The following COL27A1 variants were observed in gnomAD, a reference collection of about 807,000 sequenced individuals.
The protein encoded by COL27A1 is collagen alpha-1(XXVII) chain.
In COL27A1, 106 loss-of-function variants were observed where a neutral mutation model predicts 251.3. The observed-to-expected ratio is 0.42, with a 90% confidence interval of 0.36 to 0.50. COL27A1 has a LOEUF of 0.50. Among genes scored for constraint, COL27A1 ranks in the 20% least tolerant of loss-of-function variants. The pLI, the probability that COL27A1 is intolerant of heterozygous loss-of-function variation, is 0.00. For missense variants in COL27A1, 2,325 were observed against 2,522.8 expected (o/e 0.92, Z 1.68); for synonymous variants, 1,000 against 986.3 (o/e 1.01, Z -0.26).
At chr9:114,156,202 G>C (rs1453963501) in intron 1 of COL27A1, among the ~76,000 whole-genome samples, 190 bp downstream of exon 1, 1 of 150,290 alleles carries the variant, frequency 6.7e-6, no homozygotes, top group Non-Finnish European at 1.5e-5. Context: ...GTTGGCGAAC[G>C]CTGCCCGCCC....
chr9:114,194,288 G>A, intron 5 of COL27A1, 116 bp from the exon 6 acceptor site: 1 of 942,316 alleles, frequency 1.1e-6, no homozygotes, highest in African/African-American at 1.6e-5. Flanking sequence ...GTGTGAGTGG[G>A]AGGATGGATG....
intron 1 of COL27A1, among the ~76,000 whole-genome samples, chr9:114,160,413 C>T (rs1848419183): frequency 4.6e-5 from 7 of 152,058 alleles, no homozygotes; most frequent in Admixed American, 4.6e-4. Context: ...CCTCGGCCTC[C>T]CAAAGTGCTG....
At chr9:114,250,456 C>G (rs1833459087) in intron 24 of COL27A1, among the ~76,000 whole-genome samples, 159 bp from the exon 25 acceptor site, 1 of 152,192 alleles carries the variant, frequency 6.6e-6, no homozygotes, top group Non-Finnish European at 1.5e-5. Context: ...AGAACGGTGC[C>G]CAGAGAGAGG....
chr9:114,244,516 A>G (rs1832978875), intron 23 of COL27A1, among the ~76,000 whole-genome samples: 1 of 152,308 alleles, frequency 6.6e-6, no homozygotes, highest in Non-Finnish European at 1.5e-5. Flanking sequence ...ATTCTGGGCA[A>G]AAGATTGTCG....
intron 24 of COL27A1, among the ~76,000 whole-genome samples, chr9:114,249,995 G>A (rs746241569): frequency 6.6e-6 from 1 of 152,296 alleles, no homozygotes; most frequent in African/African-American, 2.4e-5. Flanking sequence ...TCAGGGAGAC[G>A]GCAAGGACTG....
At chr9:114,209,794 C>A in intron 11 of COL27A1, 66 bp downstream of exon 11, 1 of 1,489,070 alleles carries the variant, frequency 6.7e-7, no homozygotes. Flanking sequence ...CAGAACCTGC[C>A]AGGCACCAGC....
At chr9:114,204,401 A>C (rs1951372363) in intron 7 of COL27A1, among the ~76,000 whole-genome samples, 1 of 152,150 alleles carries the variant, frequency 6.6e-6, no homozygotes, top group Admixed American at 6.5e-5. Context: ...ACCTGGTGCC[A>C]CCTGAAAGCA....
chr9:114,301,078 GA>G lies in COL27A1; in HGVS notation c.4710del (p.Gly1571AlafsTer179). 6.2e-7 allele frequency: 1 copy of G among 1,610,398 alleles called. No homozygotes were observed. The highest frequency in any genetic ancestry group is 8.5e-7 in the Non-Finnish European group (1 of 1,178,112). ...PRGPPGLMGKEGIVGPLGILG... is the reference protein window; with the variant it reads ...PRGPPGLMGKXGIVGPLGILG... ...GCCTTTCTGTCTCCTTTAGGGAAAG[GA>G]AGGCATCGTCGGGCCCCTCGGAATC... On this transcript the variant is annotated frameshift_variant, in exon 52 of 61. Coordinates refer to ENST00000356083, the MANE Select transcript of COL27A1 (RefSeq NM_032888.4). LOFTEE classifies it high-confidence loss of function.
At position 114,268,997 on chromosome 9, in the gene COL27A1, A is replaced by G. The variant is rs141420107; in HGVS notation, c.3502-244A>G. 2.2e-4 allele frequency: 71 copies of G among 330,174 alleles called. No individual in the cohort carries two copies. The Middle Eastern group carries it at 4.8e-3, about 22-fold the overall frequency. 20.5% of individuals were successfully genotyped at this position (330,174 alleles called of 1,614,324 possible). On this transcript the variant is annotated intron_variant, in intron 34 of 60. Coordinates refer to ENST00000356083, the MANE Select transcript of COL27A1 (RefSeq NM_032888.4). ...AACAGTACAGTTAGTTATTAATAGGATGATGGTGTTGGTGCTAATTGTCCT... is the reference window on the plus strand; with the variant it reads ...AACAGTACAGTTAGTTATTAATAGGGTGATGGTGTTGGTGCTAATTGTCCT...
At chr9:114,302,325 C>G (rs1355591893) in intron 56 of COL27A1, among the ~76,000 whole-genome samples, 3 of 152,196 alleles carry the variant, frequency 2.0e-5, no homozygotes, top group Non-Finnish European at 2.9e-5. Context: ...TGAGTTGCCT[C>G]TGACTGAATC....
At chr9:114,196,700 G>T (rs756206956) in intron 7 of COL27A1, among the ~76,000 whole-genome samples, 1 of 152,192 alleles carries the variant, frequency 6.6e-6, no homozygotes, top group Non-Finnish European at 1.5e-5. Flanking sequence ...CTGTTGTTAT[G>T]TCACGCCCAT....
Position 114,244,558 on chromosome 9 carries a change from A to T in COL27A1, c.2934+998A>T, listed in dbSNP as rs368383107. Among the ~76,000 whole-genome samples the T allele has an allele frequency of 2.6e-5, 4 of 152,248 alleles. No homozygotes were observed. The East Asian group carries it at 7.7e-4, about 29-fold the overall frequency. ...GTTTACAGATGGGCAAACCCACAGG[A>T]GGTTAGGACAGAGCCAGGGGGAGCG... On this transcript the variant is annotated intron_variant, in intron 23 of 60. Coordinates refer to ENST00000356083, the MANE Select transcript of COL27A1 (RefSeq NM_032888.4).
At chr9:114,308,537 G>A (rs559069790) in intron 59 of COL27A1, among the ~76,000 whole-genome samples, 233 of 152,306 alleles carry the variant, frequency 1.5e-3, no homozygotes, top group African/African-American at 4.5e-3. Context: ...GAGCCAGGAC[G>A]GGGAGGTCAG....
intron 25 of COL27A1, among the ~76,000 whole-genome samples, chr9:114,251,408 T>TTCC (rs990898451): frequency 6.6e-6 from 1 of 151,916 alleles, no homozygotes; most frequent in African/African-American, 2.4e-5. Flanking sequence ...GGCCTCTGCC[T>TTCC]TCCTCCTCCT....
At chr9:114,159,099 AG>A (rs775480195) in intron 1 of COL27A1, among the ~76,000 whole-genome samples, 21 of 152,202 alleles carry the variant, frequency 1.4e-4, no homozygotes, top group Non-Finnish European at 3.1e-4. Flanking sequence ...CAAGAGGGTC[AG>A]CTGCATTTGT....
In COL27A1 at chr9:114,282,496, G is replaced by T; in HGVS notation, c.3811G>T (p.Val1271Phe). The change falls in exon 39 of 61, where the codon GTC (valine) becomes TTC (phenylalanine). Residue 1271 changes from valine to phenylalanine, a missense_variant. Val to Phe is a conservative substitution (Grantham distance 50). Around this residue, in one of 4 missense-constraint regions of COL27A1, gnomAD observed 662 missense variants for 795.3 expected, o/e 0.83. Transcript: ENST00000356083. ...TCAAGGACAGCTGGGTGAGATGGGC[G>T]TCCCTGGAGACCCTGGACCCCCTGG... ...GYQGQLGEMG[V>F]PGDPGPPGTP... 1 of 1,589,964 alleles carries T rather than the reference G, an allele frequency of 6.3e-7. No individual in the cohort carries two copies. Among genetic ancestry groups the T allele is most frequent in the Non-Finnish European group, 8.6e-7 (1 of 1,168,840 alleles).
intron 39 of COL27A1, among the ~76,000 whole-genome samples, chr9:114,282,933 AT>A (rs1166743448): frequency 6.6e-6 from 1 of 152,200 alleles, no homozygotes; most frequent in Non-Finnish European, 1.5e-5. Flanking sequence ...CTGGAAATAG[AT>A]TCAGGAGGAA....
chr9:114,178,054 A>G (rs1029685648), intron 3 of COL27A1, among the ~76,000 whole-genome samples: 2 of 152,134 alleles, frequency 1.3e-5, no homozygotes, highest in African/African-American at 4.8e-5. Context: ...AGAAGGTGAC[A>G]CCCTAAGTTA....
In COL27A1 at chr9:114,265,549, A is replaced by G. The variant is rs1344535388; in HGVS notation, c.3393+74A>G. On this transcript the variant is annotated intron_variant, in intron 32 of 60. Transcript: ENST00000356083. Reference sequence around the variant, plus strand: ...GGGGTGTGGGCCAGGTGGTCAGATAAGGAGAAGGGTTGGAAAGGGACCATG... The same window carrying G: ...GGGGTGTGGGCCAGGTGGTCAGATAGGGAGAAGGGTTGGAAAGGGACCATG... 8 of 1,489,046 alleles carry G rather than the reference A, an allele frequency of 5.4e-6. No homozygotes were observed. In the East Asian group the frequency reaches 1.6e-4, roughly 30 times the overall value. 92.2% of individuals were successfully genotyped at this position (1,489,046 alleles called of 1,614,324 possible). A position where few individuals can be genotyped will look rare whatever the true frequency, so the allele number is the denominator to read the frequency against.
Sources: gnomAD v4.1 joint callset for allele counts (sites outside exome capture counted in the v4.1 genomes callset) on GRCh38, gnomAD v4.1.1 for gene constraint, gnomAD v4.1.1 regional missense constraint, MANE v1.5 for transcripts, NCBI Gene and HGNC (gene_info 2026-07-23, HGNC 2026-07-21) for gene names.